The following ITCH variants were observed in gnomAD, a reference collection of about 807,000 sequenced individuals.
The protein encoded by ITCH is itchy E3 ubiquitin protein ligase.
In ITCH, 28 loss-of-function variants were observed where a neutral mutation model predicts 126.8. The observed-to-expected ratio is 0.22, with a 90% CI of 0.16 to 0.30. The LOEUF (loss-of-function observed/expected upper bound fraction) is 0.30. Ranked by LOEUF, ITCH falls within the 10% of genes least tolerant of loss-of-function variation. The pLI is 1.00. For missense variants in ITCH, 631 were observed against 1,032.4 expected (o/e 0.61, Z 5.33); for synonymous variants, 342 against 340.0 (o/e 1.01, Z -0.06).
At chr20:34,364,760 G>T (rs1348211760) in intron 1 of ITCH, among the ~76,000 whole-genome samples, 1 of 148,148 alleles carries the variant, frequency 6.8e-6, no homozygotes, top group Non-Finnish European at 1.5e-5. Context: ...GCGTGGTGGC[G>T]CGCGCCTGTA....
At chr20:34,374,372 C>A (rs188692155) in intron 2 of ITCH, among the ~76,000 whole-genome samples, 17 of 152,220 alleles carry the variant, frequency 1.1e-4, no homozygotes, top group Non-Finnish European at 1.8e-4. Flanking sequence ...GTGGTATGAT[C>A]TTGGCCAACT....
intron 2 of ITCH, 55 bp from the exon 3 acceptor site, chr20:34,393,736 A>G (rs1351671330): frequency 1.5e-5 from 15 of 1,000,948 alleles, no homozygotes; most frequent in Non-Finnish European, 1.9e-5. Context: ...CACTATTTAT[A>G]TATGTTTTTA....
chr20:34,364,168 G>A (rs1474341166), intron 1 of ITCH, among the ~76,000 whole-genome samples: 1 of 152,174 alleles, frequency 6.6e-6, no homozygotes. Context: ...TAGACGCTGG[G>A]CCTAAAGTTA....
At chr20:34,455,286 A>G (rs934884235) in intron 12 of ITCH, among the ~76,000 whole-genome samples, 4 of 152,178 alleles carry the variant, frequency 2.6e-5, no homozygotes, top group Admixed American at 2.0e-4. Flanking sequence ...AGTTCATTCT[A>G]TGATCTTTAA....
At chr20:34,407,564 C>T (rs567496532) in intron 3 of ITCH, among the ~76,000 whole-genome samples, 2 of 152,174 alleles carry the variant, frequency 1.3e-5, no homozygotes, top group Admixed American at 1.3e-4. Context: ...CCGCTGCGCC[C>T]AGCTGCAGAT....
chr20:34,499,184 C>T (rs943295968), intron 23 of ITCH, among the ~76,000 whole-genome samples: 38 of 149,088 alleles, frequency 2.5e-4, no homozygotes, highest in Admixed American at 1.3e-3. Context: ...CCGCGTTAGC[C>T]AGGATGGTCT....
At chr20:34,507,277 T>G (rs1027333910) in intron 24 of ITCH, among the ~76,000 whole-genome samples, 29 of 87,492 alleles carry the variant, frequency 3.3e-4, no homozygotes, top group East Asian at 1.4e-3. Context: ...TTTTTTTTTT[T>G]TTTTTTTTTT....
chr20:34,499,626 G>GA (rs59964743), intron 23 of ITCH, among the ~76,000 whole-genome samples: 18 of 148,544 alleles, frequency 1.2e-4, no homozygotes, highest in Non-Finnish European at 2.1e-4. Context: ...TATCCTTTCA[G>GA]AAAAAAAAAA....
At chr20:34,380,682 C>T (rs2038026420) in intron 2 of ITCH, among the ~76,000 whole-genome samples, 1 of 141,334 alleles carries the variant, frequency 7.1e-6, no homozygotes, top group South Asian at 2.2e-4. Context: ...AACTCCTGGG[C>T]TCAGGTGATT....
At chr20:34,470,512 A>G (rs1010016277) in intron 15 of ITCH, among the ~76,000 whole-genome samples, 2 of 152,022 alleles carry the variant, frequency 1.3e-5, no homozygotes, top group African/African-American at 4.8e-5. Flanking sequence ...TTTCCTCAGT[A>G]GCCATTACTT....
intron 7 of ITCH, among the ~76,000 whole-genome samples, chr20:34,426,401 A>G (rs997668623): frequency 6.6e-6 from 1 of 151,868 alleles, no homozygotes; most frequent in Non-Finnish European, 1.5e-5. Context: ...AGTTTATTGT[A>G]TTAGTCTATC....
At chr20:34,488,491 C>G (rs1989288481) in intron 20 of ITCH, among the ~76,000 whole-genome samples, 1 of 152,038 alleles carries the variant, frequency 6.6e-6, no homozygotes, top group Non-Finnish European at 1.5e-5. Context: ...GCAGGCAGAA[C>G]ACTTAAGGTC....
chr20:34,499,970 T>C (rs1483408617), intron 23 of ITCH, among the ~76,000 whole-genome samples: 1 of 152,230 alleles, frequency 6.6e-6, no homozygotes, highest in Non-Finnish European at 1.5e-5. Flanking sequence ...AATTACCATG[T>C]ATTTATACAA....
chr20:34,507,263 G>GTTTTTTTTTTTTTTTTTTTTTTTTT lies in ITCH; in HGVS notation c.2490-430_2490-406dup, dbSNP rs776161631. Among the ~76,000 whole-genome samples the GTTTTTTTTTTTTTTTTTTTTTTTTT allele has an allele frequency of 9.2e-4, 36 of 39,160 alleles. 1 individual carries two copies. Among genetic ancestry groups the GTTTTTTTTTTTTTTTTTTTTTTTTT allele is most frequent in the African/African-American group, 1.3e-3 (12 of 9,242 alleles). The allele number at this position is 39,160 out of a possible 152,430, so 25.7% of individuals were successfully genotyped here. A position where few individuals can be genotyped will look rare whatever the true frequency, so the allele number is the denominator to read the frequency against. On this transcript the variant is annotated intron_variant, in intron 24 of 24. Transcript: ENST00000374864. ...TCCTTTTCAACTCTTGTTTTCTTCT[G>GTTTTTTTTTTTTTTTTTTTTTTTTT]TTTTTTTTTTTTTTTTTTTTTTTTT...
At chr20:34,485,676 C>T (rs1190662157) in intron 20 of ITCH, among the ~76,000 whole-genome samples, 10 of 151,892 alleles carry the variant, frequency 6.6e-5, no homozygotes, top group African/African-American at 2.2e-4. Context: ...CCTTTTCTTA[C>T]GATACGTCTA....
At chr20:34,369,499 G>A (rs189339354) in intron 2 of ITCH, 29 bp downstream of exon 2, 109 of 398,660 alleles carry the variant, frequency 2.7e-4, no homozygotes, top group Middle Eastern at 1.9e-3. Flanking sequence ...AGAGAAATTG[G>A]GGGCAAGAGT....
At chr20:34,498,455 T>C (rs1990029818) in intron 23 of ITCH, among the ~76,000 whole-genome samples, 1 of 152,234 alleles carries the variant, frequency 6.6e-6, no homozygotes, top group Non-Finnish European at 1.5e-5. Context: ...AGTATGATGT[T>C]GGCTGTGGAT....
At chr20:34,404,708 C>T (rs1283234505) in intron 3 of ITCH, among the ~76,000 whole-genome samples, 2 of 152,046 alleles carry the variant, frequency 1.3e-5, no homozygotes, top group African/African-American at 4.8e-5. Flanking sequence ...CCACCACGTT[C>T]GGCCGCTTCT....
chr20:34,471,330 T>G, intron 15 of ITCH, 114 bp from the exon 16 acceptor site: 1 of 703,712 alleles, frequency 1.4e-6, no homozygotes, highest in Admixed American at 2.1e-5. Context: ...TTTATATTCA[T>G]AGTCTACTTG....
Sources: allele counts gnomAD v4.1 joint callset (sites outside exome capture counted in the v4.1 genomes callset), GRCh38; gene constraint gnomAD v4.1.1; transcripts MANE v1.5; gene names NCBI Gene and HGNC (gene_info 2026-07-23, HGNC 2026-07-21).